Variants in TSPAN18 observed in about 807,000 individuals in gnomAD.
TSPAN18 encodes the protein tetraspanin-18.
A neutral mutation model predicts 27.3 loss-of-function variants in TSPAN18; 14 were observed. The ratio of observed to expected loss-of-function variants is 0.51; its 90% confidence interval spans 0.34 to 0.80. The LOEUF is 0.80. TSPAN18 is among the 30% of genes least tolerant of loss of function. The pLI is 0.01. For missense variants in TSPAN18, 268 were observed against 323.9 expected, an observed-to-expected ratio of 0.83 and a Z score of 1.32; for synonymous variants, 143 against 136.5, an observed-to-expected ratio of 1.05 and a Z score of -0.33.
intron 2 of TSPAN18, among the ~76,000 whole-genome samples, chr11:44,807,794 G>A (rs1051877050): frequency 2.0e-5 from 3 of 152,194 alleles, no homozygotes; most frequent in African/African-American, 4.8e-5. Flanking sequence ...TTCCTCATCT[G>A]TAAAGAAAAC....
rs149468412 is a variant in TSPAN18 at position 44,747,007 on chromosome 11, G to C, written c.-239-17419G>C. Reference sequence around the variant, plus strand: ...TTGGGGCCCTGGCGGTTCCCTCCTCGCTGGCCCAGCCCTGTGTCCCCAGCC... The same window carrying C: ...TTGGGGCCCTGGCGGTTCCCTCCTCCCTGGCCCAGCCCTGTGTCCCCAGCC... On this transcript the variant is annotated intron_variant, in intron 1 of 9. Transcript: ENST00000520358. Among the ~76,000 whole-genome samples the C allele has an allele frequency of 3.2e-3, 483 of 152,230 alleles. 4 individuals are homozygous for C. The highest frequency in any genetic ancestry group is 0.011 in the African/African-American group (459 of 41,524).
At chr11:44,903,192 G>T (rs1040710581) in intron 3 of TSPAN18, among the ~76,000 whole-genome samples, 1 of 152,052 alleles carries the variant, frequency 6.6e-6, no homozygotes, top group Non-Finnish European at 1.5e-5. Context: ...TGGCTTGATG[G>T]GGGCAGGAGG....
chr11:44,924,309 A>G (rs1860264287), intron 8 of TSPAN18, among the ~76,000 whole-genome samples: 1 of 152,086 alleles, frequency 6.6e-6, no homozygotes, highest in Non-Finnish European at 1.5e-5. Context: ...ATCTCATTTT[A>G]TCCTCACAGC....
At position 44,858,251 on chromosome 11, in the gene TSPAN18, A is replaced by G. The variant is rs554053665; in HGVS notation, c.-152-2077A>G. ...CCCACATCTGGGTATCTCCACGCCT[A>G]TGCTCACCCTGGGCCCATTGTCCAC... On this transcript the variant is annotated intron_variant, in intron 2 of 9. Transcript: ENST00000520358. Among the ~76,000 whole-genome samples, 22 of 152,160 alleles carry G rather than the reference A, an allele frequency of 1.4e-4. No homozygotes were observed. In the South Asian group the frequency reaches 4.6e-3, roughly 32 times the overall value.
At chr11:44,911,248 T>C (rs1295348471) in intron 5 of TSPAN18, among the ~76,000 whole-genome samples, 3 of 152,026 alleles carry the variant, frequency 2.0e-5, no homozygotes, top group Admixed American at 6.6e-5. Flanking sequence ...ACTGGGCTGG[T>C]TGGCTGGGGG....
At chr11:44,792,495 C>G (rs532286413) in intron 2 of TSPAN18, among the ~76,000 whole-genome samples, 2 of 152,260 alleles carry the variant, frequency 1.3e-5, no homozygotes, top group African/African-American at 4.8e-5. Flanking sequence ...TTGCTGACTG[C>G]CTGGCACACA....
chr11:44,882,587 G>GAGACAC (rs1554997009), intron 3 of TSPAN18, among the ~76,000 whole-genome samples: 21 of 130,864 alleles, frequency 1.6e-4, no homozygotes, highest in African/African-American at 6.0e-4. Flanking sequence ...CAGAGAGAGA[G>GAGACAC]ACACACACAC....
At chr11:44,918,308 C>T (rs1467182992) in intron 6 of TSPAN18, among the ~76,000 whole-genome samples, 2 of 152,236 alleles carry the variant, frequency 1.3e-5, no homozygotes, top group Non-Finnish European at 1.5e-5. Flanking sequence ...GGAAACATCC[C>T]TTCCAAACCT....
intron 2 of TSPAN18, among the ~76,000 whole-genome samples, chr11:44,849,836 C>T (rs886808206): frequency 3.3e-5 from 5 of 152,184 alleles, no homozygotes; most frequent in African/African-American, 1.2e-4. Flanking sequence ...AAGACCCCTC[C>T]CACATAGGGC....
At chr11:44,834,576 T>C (rs986174160) in intron 2 of TSPAN18, among the ~76,000 whole-genome samples, 1 of 152,180 alleles carries the variant, frequency 6.6e-6, no homozygotes, top group African/African-American at 2.4e-5. Flanking sequence ...TTCCATTTTC[T>C]CACTTCTCTA....
intron 4 of TSPAN18, 65 bp from the exon 5 acceptor site, chr11:44,909,640 G>A: frequency 2.0e-6 from 3 of 1,538,306 alleles, no homozygotes; most frequent in South Asian, 1.2e-5. Context: ...GGAGTGGTGG[G>A]TCAGAAGTGC....
In TSPAN18 at chr11:44,780,120, C is replaced by T. The variant is rs547170620; in HGVS notation, c.-153+15608C>T. ...CCACCCCCGAGCTCCTACGCACCCA[C>T]CCACACATCCTTCCCTACACATTTT... On this transcript the variant is annotated intron_variant, in intron 2 of 9. Coordinates refer to ENST00000520358, the MANE Select transcript of TSPAN18 (RefSeq NM_130783.5). Among the ~76,000 whole-genome samples, 4 of 152,212 alleles carry T rather than the reference C, an allele frequency of 2.6e-5. No homozygotes were observed. The South Asian group carries it at 6.2e-4, about 24-fold the overall frequency.
chr11:44,928,735 G>A (rs1860459314), intron 9 of TSPAN18, among the ~76,000 whole-genome samples: 2 of 152,088 alleles, frequency 1.3e-5, no homozygotes, highest in African/African-American at 2.4e-5. Context: ...GCAGTGAGCT[G>A]AGATCGTGCC....
intron 1 of TSPAN18, among the ~76,000 whole-genome samples, chr11:44,754,285 C>T (rs369334337): frequency 3.4e-4 from 52 of 152,330 alleles, no homozygotes; most frequent in Admixed American, 5.9e-4. Flanking sequence ...GCCCCAGTTG[C>T]GGCCTTCAGC....
chr11:44,727,969 G>C (rs994818121), intron 1 of TSPAN18, among the ~76,000 whole-genome samples: 31 of 152,328 alleles, frequency 2.0e-4, no homozygotes, highest in African/African-American at 7.5e-4. Flanking sequence ...GTGGGATCGC[G>C]CCGGCTCCGG....
chr11:44,854,671 T>C (rs1215345981), intron 2 of TSPAN18, among the ~76,000 whole-genome samples: 1 of 152,164 alleles, frequency 6.6e-6, no homozygotes, highest in East Asian at 1.9e-4. Flanking sequence ...TTTAATAACC[T>C]GATCCTGGAC....
At chr11:44,903,323 A>G (rs761253864) in intron 3 of TSPAN18, 14 of 430,524 alleles carry the variant, frequency 3.3e-5, no homozygotes, top group Non-Finnish European at 6.1e-5. Context: ...GATCAGCATG[A>G]GCAGAGGCAC....
chr11:44,843,829 G>A (rs978557119), intron 2 of TSPAN18, among the ~76,000 whole-genome samples: 23 of 152,210 alleles, frequency 1.5e-4, no homozygotes, highest in African/African-American at 5.3e-4. Flanking sequence ...AGAGTTTAAG[G>A]TTATCTCTCT....
At chr11:44,807,528 A>AG in intron 2 of TSPAN18, among the ~76,000 whole-genome samples, 1 of 36,204 alleles carries the variant, frequency 2.8e-5, no homozygotes, top group Non-Finnish European at 6.0e-5. Flanking sequence ...ACTCCATCTC[A>AG]AAAAAAAAAA....
Sources: gnomAD v4.1 joint callset for allele counts (sites outside exome capture counted in the v4.1 genomes callset) on GRCh38, gnomAD v4.1.1 for gene constraint, MANE v1.5 for transcripts, NCBI Gene and HGNC (gene_info 2026-07-23, HGNC 2026-07-21) for gene names.